The following ZEB1 variants were observed in gnomAD, a reference collection of about 807,000 sequenced individuals.
The protein encoded by ZEB1 is zinc finger E-box binding homeobox 1.
ZEB1 carries 21 observed loss-of-function variants against 84.9 expected under a neutral mutation model. The ratio of observed to expected loss-of-function variants is 0.25; its 90% CI spans 0.18 to 0.36. ZEB1 has a LOEUF of 0.36. Ranked by LOEUF, ZEB1 falls within the 10% of genes least tolerant of loss-of-function variation. The pLI, the probability that ZEB1 is intolerant of heterozygous loss-of-function variation, is 1.00. For missense variants in ZEB1, 1,104 were observed against 1,330.2 expected (o/e 0.83, Z 2.65); for synonymous variants, 420 against 471.1 (o/e 0.89, Z 1.41).
intron 2 of ZEB1, among the ~76,000 whole-genome samples, chr10:31,490,177 G>T (rs1194073281): frequency 6.6e-6 from 1 of 151,318 alleles, no homozygotes; most frequent in East Asian, 1.9e-4. Flanking sequence ...GCCTAGATTT[G>T]GGGGGTTAGG....
chr10:31,393,027 G>C (rs1353274100), intron 1 of ZEB1, among the ~76,000 whole-genome samples: 2 of 152,008 alleles, frequency 1.3e-5, no homozygotes, highest in African/African-American at 2.4e-5. Context: ...TGTTGAGACG[G>C]GGGTCTCATC....
chr10:31,369,672 A>G (rs748675826), intron 1 of ZEB1, among the ~76,000 whole-genome samples: 2 of 152,230 alleles, frequency 1.3e-5, no homozygotes, highest in Non-Finnish European at 2.9e-5. Context: ...AGGAGTGCAG[A>G]TATCCCTTTG....
intron 1 of ZEB1, among the ~76,000 whole-genome samples, chr10:31,412,378 T>C (rs161248): frequency 0.078 from 11,884 of 152,234 alleles, 661 homozygotes; most frequent in African/African-American, 0.16. Flanking sequence ...TCATTTACAT[T>C]AGGTATATCT....
At chr10:31,441,782 A>G (rs527903241) in intron 1 of ZEB1, among the ~76,000 whole-genome samples, 1 of 152,382 alleles carries the variant, frequency 6.6e-6, no homozygotes, top group East Asian at 1.9e-4. Flanking sequence ...ACATTTATTT[A>G]TGCAACCAAA....
At chr10:31,321,074 A>T in intron 1 of ZEB1, 1 of 881,200 alleles carries the variant, frequency 1.1e-6, no homozygotes, top group Non-Finnish European at 1.4e-6. Flanking sequence ...ACGAGGAAAT[A>T]CGTGTTTAGG....
chr10:31,401,059 A>C (rs139442563), intron 1 of ZEB1, among the ~76,000 whole-genome samples: 6 of 152,236 alleles, frequency 3.9e-5, no homozygotes, highest in Non-Finnish European at 8.8e-5. Context: ...TACTGTTATT[A>C]ATAATATGGT....
intron 3 of ZEB1, among the ~76,000 whole-genome samples, chr10:31,496,040 A>G (rs1249117488): frequency 6.6e-6 from 1 of 152,106 alleles, no homozygotes; most frequent in Admixed American, 6.6e-5. Flanking sequence ...TTACAGATTC[A>G]TATTATGTAG....
chr10:31,469,641 C>T (rs1447285346), intron 2 of ZEB1, among the ~76,000 whole-genome samples: 10 of 151,954 alleles, frequency 6.6e-5, no homozygotes, highest in African/African-American at 1.9e-4. Flanking sequence ...GGGGGAGGGG[C>T]GCCCGCCATT....
intron 1 of ZEB1, among the ~76,000 whole-genome samples, chr10:31,441,356 G>A (rs1245345552): frequency 2.0e-5 from 3 of 152,212 alleles, no homozygotes; most frequent in African/African-American, 7.2e-5. Flanking sequence ...CTAGCCATAT[G>A]TGGAAAGCTG....
chr10:31,453,720 C>T (rs1276442603), intron 1 of ZEB1, among the ~76,000 whole-genome samples: 1 of 152,090 alleles, frequency 6.6e-6, no homozygotes, highest in African/African-American at 2.4e-5. Flanking sequence ...GAAGTCGAAT[C>T]CCTGAATAGA....
intron 1 of ZEB1, chr10:31,361,028 T>C: frequency 6.2e-7 from 1 of 1,610,476 alleles, no homozygotes; most frequent in Non-Finnish European, 8.5e-7. Flanking sequence ...GCTTACCATC[T>C]TATTTTGGAA....
At chr10:31,346,563 GTTTT>G (rs143806126) in intron 1 of ZEB1, among the ~76,000 whole-genome samples, 1 of 148,938 alleles carries the variant, frequency 6.7e-6, no homozygotes, top group African/African-American at 2.5e-5. Context: ...TGCACGTAGA[GTTTT>G]TTTTTTCTTT....
intron 1 of ZEB1, among the ~76,000 whole-genome samples, chr10:31,386,348 TATTTA>T (rs1359554150): frequency 4.0e-5 from 6 of 151,748 alleles, no homozygotes. Flanking sequence ...TCCTAACAGT[TATTTA>T]ATATATAATT....
intron 1 of ZEB1, among the ~76,000 whole-genome samples, chr10:31,388,197 A>G (rs1341427336): frequency 1.3e-5 from 2 of 152,188 alleles, no homozygotes; most frequent in African/African-American, 4.8e-5. Context: ...ACAAGAGACT[A>G]AATGTCTAGT....
chr10:31,526,598 G>A (rs2073495921), intron 8 of ZEB1, 74 bp from the exon 9 acceptor site: 15 of 1,561,814 alleles, frequency 9.6e-6, no homozygotes, highest in Non-Finnish European at 1.3e-5. Context: ...ACAACATGAA[G>A]TACCCCAAAA....
rs774794245 is a variant in ZEB1 at position 31,520,758 on chromosome 10, A to G, written c.1426A>G (p.Ile476Val). ...TCAAGATGGAACAACCAAAATTATC[A>G]TCAACTACAGTCTTGAGCAGCCTAG... The part of the protein sequence containing the change: ...VDQDGTTKII[I>V]NYSLEQPSQL... The change falls in exon 7 of 9, where the codon ATC becomes GTC. Residue 476 changes from isoleucine to valine, a missense_variant. Coordinates refer to ENST00000424869, the MANE Select transcript of ZEB1 (RefSeq NM_001174096.2). The surrounding 1 kb of genome is among the most constrained non-coding windows in gnomAD (Gnocchi z 5.1). 1 of 1,614,078 alleles carries G rather than the reference A, an allele frequency of 6.2e-7. No individual in the cohort carries two copies. The highest frequency in any genetic ancestry group is 8.5e-7 in the Non-Finnish European group (1 of 1,180,008).
intron 1 of ZEB1, among the ~76,000 whole-genome samples, chr10:31,396,695 T>C (rs926741710): frequency 2.6e-5 from 4 of 152,352 alleles, no homozygotes; most frequent in Non-Finnish European, 5.9e-5. Flanking sequence ...ATTGTCTTGC[T>C]GTTTAGATTA....
chr10:31,465,205 A>G (rs1355177524), intron 2 of ZEB1, among the ~76,000 whole-genome samples: 2 of 152,106 alleles, frequency 1.3e-5, no homozygotes, highest in African/African-American at 4.8e-5. Context: ...AAAATAAAAA[A>G]CAAGGTATTA....
intron 1 of ZEB1, chr10:31,361,095 A>T: frequency 1.9e-6 from 3 of 1,611,958 alleles, no homozygotes; most frequent in Non-Finnish European, 2.5e-6. Flanking sequence ...ACAAATTACA[A>T]GAACGATCTG....
Sources: allele counts gnomAD v4.1 joint callset (sites outside exome capture counted in the v4.1 genomes callset), GRCh38; gene constraint gnomAD v4.1.1; non-coding constraint Gnocchi (gnomAD v3.1); transcripts MANE v1.5; gene names NCBI Gene and HGNC (gene_info 2026-07-23, HGNC 2026-07-21).